PDIA5: variants seen among roughly 807,000 people sequenced by gnomAD.
The protein encoded by PDIA5 is protein disulfide isomerase family A member 5.
Under a neutral mutation model 77.6 loss-of-function variants are expected in PDIA5, and 58 were observed. The observed-to-expected ratio is 0.75, with a 90% CI of 0.61 to 0.93. The LOEUF (loss-of-function observed/expected upper bound fraction) is 0.93. Among genes scored for constraint, PDIA5 ranks in the 40% least tolerant of loss-of-function variants. The pLI is 0.00. For synonymous variants in PDIA5, 250 were observed against 252.1 expected (o/e 0.99, Z 0.08); for missense variants, 630 against 647.7 (o/e 0.97, Z 0.30).
intron 13 of PDIA5, among the ~76,000 whole-genome samples, chr3:123,146,895 C>T (rs1383550229): frequency 6.6e-6 from 1 of 152,186 alleles, no homozygotes; most frequent in East Asian, 1.9e-4. Context: ...CTGCAACCTC[C>T]ACCTCCCAGG....
intron 1 of PDIA5, 112 bp downstream of exon 1, chr3:123,067,318 C>A: frequency 1.1e-6 from 1 of 939,630 alleles, no homozygotes; most frequent in Non-Finnish European, 1.4e-6. Flanking sequence ...CCCCGGGGCA[C>A]CGGGATGAGG....
At chr3:123,120,750 T>G (rs1165522238) in intron 8 of PDIA5, among the ~76,000 whole-genome samples, 1 of 152,176 alleles carries the variant, frequency 6.6e-6, no homozygotes, top group African/African-American at 2.4e-5. Context: ...TCTGGCAGAC[T>G]GTGAACTTTG....
chr3:123,124,208 C>A, intron 9 of PDIA5, 51 bp downstream of exon 9: 1 of 1,566,882 alleles, frequency 6.4e-7, no homozygotes, highest in Non-Finnish European at 8.8e-7. Flanking sequence ...TGGTGATTGA[C>A]CATAATCTCA....
At chr3:123,067,497 G>A in intron 1 of PDIA5, 1 of 370,986 alleles carries the variant, frequency 2.7e-6, no homozygotes. Context: ...GGGGATGCAG[G>A]TCGGGGCACA....
intron 12 of PDIA5, among the ~76,000 whole-genome samples, chr3:123,145,858 C>T (rs562745023): frequency 1.3e-5 from 2 of 152,304 alleles, no homozygotes; most frequent in African/African-American, 4.8e-5. Flanking sequence ...GGAACAGGTG[C>T]CAATCTACTC....
chr3:123,088,925 G>C (rs564039219), intron 1 of PDIA5, among the ~76,000 whole-genome samples: 4 of 152,330 alleles, frequency 2.6e-5, no homozygotes, highest in Non-Finnish European at 5.9e-5. Context: ...GCGAGATAGA[G>C]GGCTGACTGT....
intron 2 of PDIA5, 35 bp downstream of exon 2, chr3:123,089,329 C>T (rs750031729): frequency 1.8e-5 from 29 of 1,607,238 alleles, no homozygotes; most frequent in African/African-American, 4.0e-5. Flanking sequence ...GGTCAACCAT[C>T]GGGGTAGGAT....
chr3:123,070,264 A>G (rs1028014674), intron 1 of PDIA5, among the ~76,000 whole-genome samples: 3 of 152,182 alleles, frequency 2.0e-5, no homozygotes, highest in African/African-American at 7.2e-5. Flanking sequence ...AGGGAAAAGC[A>G]GGATGTAAAA....
At chr3:123,152,647 C>T (rs1405311138) in intron 14 of PDIA5, among the ~76,000 whole-genome samples, 1 of 152,088 alleles carries the variant, frequency 6.6e-6, no homozygotes, top group Non-Finnish European at 1.5e-5. Context: ...AAAGGAAAAG[C>T]AGCATACCCA....
chr3:123,076,122 C>T (rs956579958), intron 1 of PDIA5, among the ~76,000 whole-genome samples: 3 of 152,032 alleles, frequency 2.0e-5, no homozygotes, highest in African/African-American at 4.8e-5. Context: ...GAAGGGACAG[C>T]AGACTTGCCA....
rs771109690 is a variant in PDIA5 at position 123,116,219 on chromosome 3, G to C, written c.542-12G>C. ...TGTAACCGGATGTGGTCTCTCTCCTGCCTGTGACCAGGGTGCAGCATGTGC... is the reference window on the plus strand; with the variant it reads ...TGTAACCGGATGTGGTCTCTCTCCTCCCTGTGACCAGGGTGCAGCATGTGC... On this transcript the variant is annotated splice_polypyrimidine_tract_variant and intron_variant, in intron 7 of 16. Transcript: ENST00000316218. 8.1e-6 allele frequency: 13 copies of C among 1,613,352 alleles called. No homozygotes were observed. In the South Asian group the frequency reaches 1.3e-4, roughly 16 times the overall value.
chr3:123,076,026 T>C (rs1933848419), intron 1 of PDIA5, among the ~76,000 whole-genome samples: 1 of 152,050 alleles, frequency 6.6e-6, no homozygotes, highest in Non-Finnish European at 1.5e-5. Flanking sequence ...GATTTGGGGG[T>C]TTGTGGACAT....
chr3:123,126,055 G>T (rs548841877), intron 10 of PDIA5, among the ~76,000 whole-genome samples: 1 of 152,208 alleles, frequency 6.6e-6, no homozygotes, highest in East Asian at 1.9e-4. Flanking sequence ...AACCTTTTCT[G>T]ATTTCAAAAC....
intron 6 of PDIA5, 86 bp downstream of exon 6, chr3:123,106,927 G>A: frequency 1.2e-6 from 1 of 861,554 alleles, no homozygotes; most frequent in African/African-American, 1.7e-5. Context: ...AACGAACTGA[G>A]AAATGGGACT....
At chr3:123,110,862 G>A (rs1934843217) in intron 6 of PDIA5, 82 bp from the exon 7 acceptor site, 2 of 1,110,922 alleles carry the variant, frequency 1.8e-6, no homozygotes, top group Non-Finnish European at 2.8e-6. Context: ...TCACCCTGCT[G>A]TATGCAGGAG....
At chr3:123,153,948 C>T (rs1237802828) in intron 14 of PDIA5, among the ~76,000 whole-genome samples, 1 of 152,200 alleles carries the variant, frequency 6.6e-6, no homozygotes. Flanking sequence ...TGGAGCCTCC[C>T]CTTGCTCAGG....
At chr3:123,139,771 A>C (rs572393084) in intron 11 of PDIA5, among the ~76,000 whole-genome samples, 32 of 152,306 alleles carry the variant, frequency 2.1e-4, no homozygotes, top group Non-Finnish European at 3.4e-4. Flanking sequence ...CCTTGTGTGT[A>C]CAGGTGTAAA....
chr3:123,150,810 G>A (rs996354833), intron 14 of PDIA5, among the ~76,000 whole-genome samples: 4 of 151,726 alleles, frequency 2.6e-5, no homozygotes, highest in African/African-American at 4.8e-5. Context: ...AGCCACATTC[G>A]CTCCTGAGCT....
intron 3 of PDIA5, among the ~76,000 whole-genome samples, chr3:123,101,927 T>TTTTTTTTTA (rs61036876): frequency 6.9e-6 from 1 of 144,036 alleles, no homozygotes; most frequent in Non-Finnish European, 1.5e-5. Context: ...TTTTTTTTTT[T>TTTTTTTTTA]GAGATGGAGT....
Sources: allele counts gnomAD v4.1 joint callset (sites outside exome capture counted in the v4.1 genomes callset), GRCh38; gene constraint gnomAD v4.1.1; transcripts MANE v1.5; gene names NCBI Gene and HGNC (gene_info 2026-07-23, HGNC 2026-07-21).